SPECC1: variants seen among roughly 807,000 people sequenced by gnomAD.
The protein encoded by SPECC1 is cytospin-B.
In SPECC1, 62 loss-of-function variants were observed where a neutral mutation model predicts 104.1. The ratio of observed to expected loss-of-function variants is 0.60; its 90% CI spans 0.49 to 0.74. SPECC1 has a LOEUF of 0.74. Ranked by LOEUF, SPECC1 falls within the 30% of genes least tolerant of loss-of-function variation. The pLI is 0.00. For synonymous variants in SPECC1, 513 were observed against 501.6 expected (o/e 1.02, Z -0.30); for missense variants, 1,306 against 1,310.5 (o/e 1.00, Z 0.05).
At chr17:20,165,872 T>C (rs983800633) in intron 3 of SPECC1, among the ~76,000 whole-genome samples, 108 of 152,226 alleles carry the variant, frequency 7.1e-4, no homozygotes, top group African/African-American at 2.6e-3. Context: ...TGATGTCCTT[T>C]GCCCACTTTT....
chr17:20,028,416 C>T (rs954440274), intron 1 of SPECC1, among the ~76,000 whole-genome samples: 7 of 151,490 alleles, frequency 4.6e-5, no homozygotes, highest in African/African-American at 7.3e-5. Flanking sequence ...GGGAGGATTG[C>T]TTGAGCCCAG....
At chr17:20,279,448 G>A (rs1306316846) in intron 12 of SPECC1, among the ~76,000 whole-genome samples, 13 of 150,834 alleles carry the variant, frequency 8.6e-5, no homozygotes, top group Admixed American at 2.0e-4. Flanking sequence ...TCAGCCTCCC[G>A]AGTAGCTGGG....
intron 12 of SPECC1, among the ~76,000 whole-genome samples, chr17:20,288,350 T>C (rs146087717): frequency 6.6e-6 from 1 of 152,260 alleles, no homozygotes; most frequent in Non-Finnish European, 1.5e-5. Flanking sequence ...CTTCTAGATC[T>C]TTGAGGACTA....
At chr17:20,156,499 G>T (rs746225116) in intron 3 of SPECC1, among the ~76,000 whole-genome samples, 3 of 152,180 alleles carry the variant, frequency 2.0e-5, no homozygotes, top group Non-Finnish European at 4.4e-5. Flanking sequence ...CCCTGCCGCG[G>T]GGTTCCCCAC....
chr17:20,100,920 G>C (rs1003433709), intron 2 of SPECC1, among the ~76,000 whole-genome samples: 3 of 152,108 alleles, frequency 2.0e-5, no homozygotes, highest in Admixed American at 6.6e-5. Context: ...GCAGTGTCTG[G>C]TTTTCTGTTC....
At chr17:20,221,570 T>C (rs1048577978) in intron 4 of SPECC1, among the ~76,000 whole-genome samples, 1 of 152,144 alleles carries the variant, frequency 6.6e-6, no homozygotes, top group African/African-American at 2.4e-5. Flanking sequence ...TGGCCAAAGT[T>C]TTGTCAATTT....
At chr17:20,298,948 A>AGAGAGGGTGTGTGTGTGTGTGTGT in intron 13 of SPECC1, among the ~76,000 whole-genome samples, 3 of 49,074 alleles carry the variant, frequency 6.1e-5, no homozygotes, top group African/African-American at 1.9e-4. Flanking sequence ...AGAGAGAGAG[A>AGAGAGGGTGTGTGTGTGTGTGTGT]GTGTGTGTGT....
At chr17:20,191,902 A>G (rs757279526) in intron 3 of SPECC1, among the ~76,000 whole-genome samples, 11 of 151,986 alleles carry the variant, frequency 7.2e-5, no homozygotes, top group Non-Finnish European at 1.5e-4. Context: ...TTGTCTATTC[A>G]GGTGTTTTTC....
chr17:20,045,914 G>T (rs8069572), intron 1 of SPECC1, among the ~76,000 whole-genome samples: 2 of 151,238 alleles, frequency 1.3e-5, no homozygotes, highest in Non-Finnish European at 2.9e-5. Flanking sequence ...ATCTTATTTT[G>T]TTGTATCTGG....
At chr17:20,226,854 A>AAGAAGGATT (rs2038241865) in intron 4 of SPECC1, among the ~76,000 whole-genome samples, 2 of 152,150 alleles carry the variant, frequency 1.3e-5, no homozygotes, top group African/African-American at 4.8e-5. Flanking sequence ...TGCAGCCCCA[A>AAGAAGGATT]GTATCTTATC....
intron 3 of SPECC1, among the ~76,000 whole-genome samples, chr17:20,175,136 A>G (rs908577224): frequency 6.6e-6 from 1 of 152,038 alleles, no homozygotes; most frequent in Non-Finnish European, 1.5e-5. Flanking sequence ...TTCTGGGGTA[A>G]TGCTGTGGGC....
chr17:20,028,813 A>G (rs1271784939), intron 1 of SPECC1, among the ~76,000 whole-genome samples: 1 of 143,308 alleles, frequency 7.0e-6, no homozygotes, highest in Non-Finnish European at 1.5e-5. Context: ...CCCAGGCTGG[A>G]GTGCAATGGC....
At chr17:20,051,133 T>TTTTTCTTTCC (rs2045755974) in intron 1 of SPECC1, among the ~76,000 whole-genome samples, 2 of 40,830 alleles carry the variant, frequency 4.9e-5, no homozygotes, top group Non-Finnish European at 1.1e-4. Context: ...TCTTTCTTTC[T>TTTTTCTTTCC]TTCTTTCCTT....
rs2048691078 is a variant in SPECC1, at chr17:20,115,070, G to A, written c.283+4508G>A. The stretch of plus-strand genomic sequence containing the variant: ...AGAAGGATCCGAAAGATATAACATG[G>A]TGTGTTTAGAAACTGCAGATTTTAG... On this transcript the variant is annotated intron_variant, in intron 3 of 14. Transcript: ENST00000395527. Among the ~76,000 whole-genome samples, 4 of 152,260 alleles carry A rather than the reference G, an allele frequency of 2.6e-5. No homozygotes were observed. In the South Asian group the frequency reaches 8.3e-4, roughly 32 times the overall value.
chr17:20,238,073 C>T (rs1413255248), intron 7 of SPECC1: 1 of 1,025,232 alleles, frequency 9.8e-7, no homozygotes. Flanking sequence ...AGCCCCTTCA[C>T]TTGGAGTCTG....
rs921566546 is a variant in SPECC1 at position 20,022,860 on chromosome 17, C to T, written c.-22+13436C>T. 5.9e-5 allele frequency among the ~76,000 whole-genome samples: 9 copies of T among 152,282 alleles called. No individual in the cohort carries two copies. The South Asian group carries it at 1.2e-3, about 21-fold the overall frequency. ...GACATGGTTATGGAGTGGGTGGACT[C>T]GGCATTGAGAACACAGTAGTAGCTG... On this transcript the variant is annotated intron_variant, in intron 1 of 14. Transcript: ENST00000395527.
intron 12 of SPECC1, among the ~76,000 whole-genome samples, chr17:20,273,327 C>G (rs985864917): frequency 1.3e-5 from 2 of 152,076 alleles, no homozygotes; most frequent in African/African-American, 4.8e-5. Context: ...CTACTAAAAA[C>G]ATTAGTGGGG....
At chr17:20,036,624 G>A (rs1040169089) in intron 1 of SPECC1, among the ~76,000 whole-genome samples, 1 of 152,098 alleles carries the variant, frequency 6.6e-6, no homozygotes, top group Non-Finnish European at 1.5e-5. Flanking sequence ...TAGTTACCAT[G>A]TTGTGCAATA....
intron 2 of SPECC1, among the ~76,000 whole-genome samples, chr17:20,100,297 C>G (rs966928849): frequency 1.3e-5 from 2 of 152,020 alleles, no homozygotes; most frequent in African/African-American, 4.8e-5. Flanking sequence ...TCTGATTTGA[C>G]CTTAATCTTT....
Sources: gnomAD v4.1 joint callset for allele counts (sites outside exome capture counted in the v4.1 genomes callset) on GRCh38, gnomAD v4.1.1 for gene constraint, MANE v1.5 for transcripts, NCBI Gene and HGNC (gene_info 2026-07-23, HGNC 2026-07-21) for gene names.